Variants in TERB2 observed in about 807,000 individuals in gnomAD.
The protein encoded by TERB2 is telomere repeat binding bouquet formation protein 2, also known as telomere repeats-binding bouquet formation protein 2.
Under a neutral mutation model 29.8 loss-of-function variants are expected in TERB2, and 26 were observed. The observed-to-expected ratio is 0.87, with a 90% CI of 0.64 to 1.21. The LOEUF (loss-of-function observed/expected upper bound fraction) is 1.21. TERB2 is among the 50% of genes most tolerant of loss of function. The pLI is 0.00. For missense variants in TERB2, 240 were observed against 268.6 expected (o/e 0.89, Z 0.74); for synonymous variants, 80 against 90.8 (o/e 0.88, Z 0.68).
Position 44,978,563 on chromosome 15 carries a change from T to C in TERB2, c.598T>C (p.Leu200=). ...CTTCATTCCTGGAACCTCAGGATAT[T>C]TGGCATATCATGTTCAAAATGAAAT... is the stretch of plus-strand genomic sequence containing the variant. The part of the protein sequence containing the change: ...HDFIPGTSGY[L]AYHVQNEINM... Residue 200 remains leucine (L), a synonymous_variant, in exon 7 of 7, where the codon TTG becomes CTG. Transcript: ENST00000340827. The C allele has an allele frequency of 2.5e-6, 4 of 1,610,692 alleles. No individual in the cohort carries two copies. Among genetic ancestry groups the C allele is most frequent in the East Asian group, 2.2e-5 (1 of 44,748 alleles).
In TERB2 at chr15:44,978,852, T is replaced by A. The variant is rs931084849; in HGVS notation, c.*224T>A. On this transcript the variant is annotated 3_prime_UTR_variant, in exon 7 of 7. Transcript: ENST00000340827. The stretch of plus-strand genomic sequence containing the variant: ...TGTTCAAATATTCTCAATGCACAGT[T>A]GTTAATGAGTAATTGCCGTTAAAAT... 7.8e-6 allele frequency: 3 copies of A among 382,346 alleles called. No homozygotes were observed. The highest frequency in any genetic ancestry group is 4.1e-6 in the Non-Finnish European group (1 of 242,494). 23.7% of individuals were successfully genotyped at this position (382,346 alleles called of 1,614,324 possible).
intron 6 of TERB2, among the ~76,000 whole-genome samples, chr15:44,977,385 T>G (rs1243653281): frequency 6.6e-6 from 1 of 152,246 alleles, no homozygotes; most frequent in Non-Finnish European, 1.5e-5. Flanking sequence ...AGGAATATTT[T>G]TTACTAATGT....
chr15:44,970,435 T>A (rs1468292229), intron 5 of TERB2: 2 of 216,080 alleles, frequency 9.3e-6, no homozygotes, highest in Non-Finnish European at 2.0e-5. Flanking sequence ...GCTTTCTTGA[T>A]TGCAGTTGGG....
chr15:44,958,001 TTC>T (rs112543823), intron 2 of TERB2, among the ~76,000 whole-genome samples: 9 of 152,168 alleles, frequency 5.9e-5, no homozygotes, highest in African/African-American at 2.2e-4. Flanking sequence ...ATGTGAAGCT[TTC>T]TCTGACTGCA....
In TERB2 at chr15:44,957,811, A is replaced by AC. The variant is rs1402042163; in HGVS notation, c.147-557dup. Reference sequence around the variant, plus strand: ...CCCTCCTTTCCTCACTCCCGCCCCCACCCCCAAGCTGCTGATTTCCTACAG... The same window carrying AC: ...CCCTCCTTTCCTCACTCCCGCCCCCACCCCCCAAGCTGCTGATTTCCTACAG... On this transcript the variant is annotated intron_variant, in intron 2 of 6. Transcript: ENST00000340827. Among the ~76,000 whole-genome samples, 6 of 53,836 alleles carry AC rather than the reference A, an allele frequency of 1.1e-4. No homozygotes were observed. The East Asian group carries it at 3.4e-3, about 30-fold the overall frequency. 35.3% of individuals were successfully genotyped at this position (53,836 alleles called of 152,430 possible). A position where few individuals can be genotyped will look rare whatever the true frequency, so the allele number is the denominator to read the frequency against.
chr15:44,958,985 A>C (rs113647126), intron 3 of TERB2, among the ~76,000 whole-genome samples: 19 of 152,150 alleles, frequency 1.2e-4, no homozygotes, highest in South Asian at 8.3e-4. Context: ...TCAAGACTAG[A>C]CTGGGCAACA....
intron 4 of TERB2, among the ~76,000 whole-genome samples, chr15:44,961,992 G>A (rs1465898551): frequency 6.6e-6 from 1 of 152,124 alleles, no homozygotes; most frequent in Admixed American, 6.5e-5. Flanking sequence ...GAGCCACTGT[G>A]CCCAGCACAG....
In TERB2 at chr15:44,978,685, GCA is replaced by G. The variant is rs1892081346; in HGVS notation, c.*58_*59del. The G allele has an allele frequency of 7.1e-7, 1 of 1,416,852 alleles. No homozygotes were observed. Among genetic ancestry groups the G allele is most frequent in the Admixed American group, 2.4e-5 (1 of 41,198 alleles). 87.8% of individuals were successfully genotyped at this position (1,416,852 alleles called of 1,614,324 possible). A position where few individuals can be genotyped will look rare whatever the true frequency, so the allele number is the denominator to read the frequency against. On this transcript the variant is annotated 3_prime_UTR_variant, in exon 7 of 7. Coordinates refer to ENST00000340827, the MANE Select transcript of TERB2 (RefSeq NM_152448.3). Reference sequence around the variant, plus strand: ...TTTCTATAAAATATTATACAGATGTGCATATCATAAAATGCTCCCTTTTGGTA... The same window carrying G: ...TTTCTATAAAATATTATACAGATGTGTATCATAAAATGCTCCCTTTTGGTA...
intron 3 of TERB2, among the ~76,000 whole-genome samples, 157 bp from the exon 4 acceptor site, chr15:44,961,366 T>G (rs1387486931): frequency 1.3e-5 from 2 of 151,684 alleles, no homozygotes; most frequent in African/African-American, 4.8e-5. Context: ...TCCTCAATGA[T>G]CTGATTCAAT....
At chr15:44,974,136 G>A (rs184706220) in intron 6 of TERB2, among the ~76,000 whole-genome samples, 181 bp downstream of exon 6, 7 of 152,294 alleles carry the variant, frequency 4.6e-5, no homozygotes, top group Non-Finnish European at 8.8e-5. Context: ...CCAGGAATAT[G>A]CTTTTAAATT....
chr15:44,973,920 C>T lies in TERB2; in HGVS notation c.488C>T (p.Pro163Leu), dbSNP rs1001596889. 1.2e-6 allele frequency: 2 copies of T among 1,600,728 alleles called. No homozygotes were observed. The highest frequency in any genetic ancestry group is 2.3e-5 in the East Asian group (1 of 44,194). Residue 163 changes from proline (P) to leucine (L), a missense_variant, in exon 6 of 7, where the codon CCT becomes CTT. Coordinates refer to ENST00000340827, the MANE Select transcript of TERB2 (RefSeq NM_152448.3). ...GTTGTAGAAAAGCAGATGTACTTCCCTCTACAGAATTACCCAGTTAACAAC... is the reference window on the plus strand; with the variant it reads ...GTTGTAGAAAAGCAGATGTACTTCCTTCTACAGAATTACCCAGTTAACAAC... ...TPVVEKQMYF[P>L]LQNYPVNNMV...
rs761929983 is a variant in TERB2, at chr15:44,958,396, T to C, written c.170T>C (p.Ile57Thr). The change falls in exon 3 of 7, where the codon ATA becomes ACA. Residue 57 changes from isoleucine to threonine, a missense_variant. Transcript: ENST00000340827. ...AGAATATATCAGAGCCTTGATTACA[T>C]AGAAGATAATGCTACAGTTTTTCAT... is the stretch of plus-strand genomic sequence containing the variant. The part of the protein sequence containing the change: ...TLRIYQSLDY[I>T]EDNATVFHAY... The C allele has an allele frequency of 1.9e-6, 3 of 1,613,298 alleles. No individual in the cohort carries two copies. Among genetic ancestry groups the C allele is most frequent in the East Asian group, 2.2e-5 (1 of 44,880 alleles).
chr15:44,977,393 T>C (rs1566947564), intron 6 of TERB2, among the ~76,000 whole-genome samples: 1 of 152,246 alleles, frequency 6.6e-6, no homozygotes, highest in Non-Finnish European at 1.5e-5. Flanking sequence ...TTTTTACTAA[T>C]GTAGTAATTT....
At position 44,979,085 on chromosome 15, in the gene TERB2, T is replaced by C. The variant is rs1287680428; in HGVS notation, c.*457T>C. On this transcript the variant is annotated 3_prime_UTR_variant, in exon 7 of 7. Transcript: ENST00000340827. Reference sequence around the variant, plus strand: ...GCTAAGTTTTATTAATCTGGTCATCTTATTTTGATTTTAAAAATTAGGATG... The same window carrying C: ...GCTAAGTTTTATTAATCTGGTCATCCTATTTTGATTTTAAAAATTAGGATG... The C allele has an allele frequency of 6.6e-6, 1 of 152,260 alleles. No individual in the cohort carries two copies. Among genetic ancestry groups the C allele is most frequent in the African/African-American group, 2.4e-5 (1 of 41,460 alleles). 9.4% of individuals were successfully genotyped at this position (152,260 alleles called of 1,614,324 possible). A position where few individuals can be genotyped will look rare whatever the true frequency, so the allele number is the denominator to read the frequency against.
intron 4 of TERB2, among the ~76,000 whole-genome samples, chr15:44,961,891 G>C (rs1041788388): frequency 2.0e-5 from 3 of 152,002 alleles, no homozygotes; most frequent in African/African-American, 7.2e-5. Context: ...GTAGAGATGG[G>C]GTTTCACCAT....
chr15:44,978,603 T>G lies in TERB2; in HGVS notation c.638T>G (p.Ile213Arg). Reference protein sequence around the residue: ...HVQNEINMSAIKNKLKRK With the variant: ...HVQNEINMSARKNKLKRK ...CAAAATGAAATTAATATGTCTGCTATAAAAAACAAATTGAAGAGGAAATAG... is the reference window on the plus strand; with the variant it reads ...CAAAATGAAATTAATATGTCTGCTAGAAAAAACAAATTGAAGAGGAAATAG... Residue 213 changes from isoleucine (I) to arginine (R), a missense_variant, in exon 7 of 7, where the codon ATA (isoleucine) becomes AGA (arginine). Ile to Arg is a moderately conservative substitution (Grantham distance 97, BLOSUM62 -3). Transcript: ENST00000340827. 6.3e-7 allele frequency: 1 copy of G among 1,597,852 alleles called. No individual in the cohort carries two copies. Among genetic ancestry groups the G allele is most frequent in the Admixed American group, 1.7e-5 (1 of 57,254 alleles).
chr15:44,967,204 T>C (rs986182808), intron 5 of TERB2, among the ~76,000 whole-genome samples: 1 of 152,250 alleles, frequency 6.6e-6, no homozygotes, highest in Admixed American at 6.5e-5. Flanking sequence ...ATACATGATC[T>C]AGTCCTAGCT....
At chr15:44,975,167 T>C (rs1892026161) in intron 6 of TERB2, among the ~76,000 whole-genome samples, 1 of 152,200 alleles carries the variant, frequency 6.6e-6, no homozygotes, top group Non-Finnish European at 1.5e-5. Context: ...AGAACTAAAG[T>C]AAAAATTTTT....
intron 3 of TERB2, among the ~76,000 whole-genome samples, chr15:44,960,799 GA>G (rs988161284): frequency 1.3e-5 from 2 of 151,852 alleles, no homozygotes; most frequent in Non-Finnish European, 2.9e-5. Context: ...TTGTCCTTTT[GA>G]CTACTGTGAA....
Sources: gnomAD v4.1 joint callset for allele counts (sites outside exome capture counted in the v4.1 genomes callset) on GRCh38, gnomAD v4.1.1 for gene constraint, MANE v1.5 for transcripts, NCBI Gene and HGNC (gene_info 2026-07-23, HGNC 2026-07-21) for gene names.